The following RAB40B variants were observed in gnomAD, a reference collection of about 807,000 sequenced individuals.
The protein encoded by RAB40B is RAB40B, member RAS oncogene family.
In RAB40B, 21 loss-of-function variants were observed where a neutral mutation model predicts 24.0. That is an observed-to-expected ratio of 0.88 (90% CI 0.62 to 1.26). The LOEUF (loss-of-function observed/expected upper bound fraction) is 1.26, where lower values mean the gene tolerates loss of function less well. RAB40B is among the 50% of genes most tolerant of loss of function. The pLI, the probability that RAB40B is intolerant of heterozygous loss-of-function variation, is 0.00. For missense variants in RAB40B, 348 were observed against 390.5 expected (o/e 0.89, Z 0.92); for synonymous variants, 167 against 169.8 (o/e 0.98, Z 0.13).
intron 1 of RAB40B, among the ~76,000 whole-genome samples, chr17:82,678,879 GTTTTTTTTTT>G (rs35848277): frequency 1.0e-5 from 1 of 99,164 alleles, no homozygotes; most frequent in Non-Finnish European, 1.9e-5. Flanking sequence ...CCCTTTCTGC[GTTTTTTTTTT>G]TTTTTTTTTT....
intron 1 of RAB40B, among the ~76,000 whole-genome samples, chr17:82,672,378 A>T (rs1377866340): frequency 6.6e-6 from 1 of 150,602 alleles, no homozygotes; most frequent in South Asian, 2.1e-4. Context: ...GACACACCTC[A>T]CCCCTGTAAC....
intron 1 of RAB40B, among the ~76,000 whole-genome samples, chr17:82,684,116 G>T (rs1328453895): frequency 6.6e-6 from 1 of 151,728 alleles, no homozygotes; most frequent in African/African-American, 2.4e-5. Context: ...AGCTACTCGG[G>T]AGGCTGAGGC....
At chr17:82,664,350 T>G in intron 2 of RAB40B, 146 bp downstream of exon 2, 2 of 620,804 alleles carry the variant, frequency 3.2e-6, no homozygotes, top group South Asian at 1.9e-5. Context: ...CCGACGGTGG[T>G]GGTGGGAGGG....
At position 82,657,666 on chromosome 17, in the gene RAB40B, CAA is replaced by C. The variant is rs564658135; in HGVS notation, c.*195_*196del. 2.9e-3 allele frequency: 2,081 copies of C among 730,078 alleles called. 6 individuals are homozygous for C. Among genetic ancestry groups the C allele is most frequent in the Non-Finnish European group, 4.3e-3 (1,741 of 404,280 alleles). The allele number at this position is 730,078 out of a possible 1,614,324, so 45.2% of individuals were successfully genotyped here. ...TCCCTTTACAAACACACATCGAAAACAAGAGCTTCATGCACATCCACGTAGAA... is the reference window on the plus strand; with the variant it reads ...TCCCTTTACAAACACACATCGAAAACGAGCTTCATGCACATCCACGTAGAA... On this transcript the variant is annotated 3_prime_UTR_variant, in exon 6 of 6. Transcript: ENST00000571995.
In RAB40B at chr17:82,660,175, CAT is replaced by C. The variant is rs767269113; in HGVS notation, c.265-520_265-519del. On this transcript the variant is annotated intron_variant, in intron 3 of 5. Coordinates refer to ENST00000571995, the MANE Select transcript of RAB40B (RefSeq NM_006822.3). ...GACGCACACAGTGCATACCTGCACA[CAT>C]GTTGCATACACATACACATAGGCAC... Among the ~76,000 whole-genome samples the C allele has an allele frequency of 1.3e-3, 195 of 152,076 alleles. 8 individuals are homozygous for C. Among genetic ancestry groups the C allele is most frequent in the South Asian group, 2.9e-3 (14 of 4,818 alleles).
chr17:82,658,563 C>A lies in RAB40B; in HGVS notation c.493G>T (p.Glu165Ter), dbSNP rs1484346984. The A allele has an allele frequency of 6.2e-7, 1 of 1,613,762 alleles. No homozygotes were observed. Among genetic ancestry groups the A allele is most frequent in the Admixed American group, 1.7e-5 (1 of 60,030 alleles). ...ATCCTGGCCAGCTCCGTGAACGACT[C>A]TGTGATGTTGAAATTGCACAGAGGG... ...VSPLCNFNIT[E>*]SFTELARIVL... Residue 165 changes from glutamate (E) to a stop codon, truncating the protein, a stop_gained, in exon 5 of 6, where the codon GAG (glutamate) becomes TAG (stop). Coordinates refer to ENST00000571995, the MANE Select transcript of RAB40B (RefSeq NM_006822.3). LOFTEE classifies it high-confidence loss of function.
intron 3 of RAB40B, among the ~76,000 whole-genome samples, chr17:82,660,321 CAT>C (rs1235119582): frequency 1.3e-5 from 2 of 151,838 alleles, no homozygotes; most frequent in African/African-American, 2.4e-5. Flanking sequence ...TGCACAGACT[CAT>C]ACACAGGGCA....
At chr17:82,689,093 A>G (rs2046530409) in intron 1 of RAB40B, among the ~76,000 whole-genome samples, 1 of 152,266 alleles carries the variant, frequency 6.6e-6, no homozygotes, top group Admixed American at 6.5e-5. Context: ...GGTTAAAAAC[A>G]TCTCTGAATG....
chr17:82,659,835 C>T (rs533560968), intron 3 of RAB40B, 178 bp from the exon 4 acceptor site: 22 of 603,688 alleles, frequency 3.6e-5, no homozygotes, highest in African/African-American at 3.1e-4. Context: ...ATTTCATAAG[C>T]TCAGTGATAA....
At position 82,662,101 on chromosome 17, in the gene RAB40B, C is replaced by T. The variant is rs1234509093; in HGVS notation, c.204-1054G>A. 1.1e-5 allele frequency: 11 copies of T among 985,368 alleles called. No individual in the cohort carries two copies. The South Asian group carries it at 2.3e-4, about 21-fold the overall frequency. 61.0% of individuals were successfully genotyped at this position (985,368 alleles called of 1,614,324 possible). Reference sequence around the variant, plus strand: ...ACAACCTCACGGATGAGCGGTGGGACGCGGCATGGTTTTGCTGTTTGTGTC... The same window carrying T: ...ACAACCTCACGGATGAGCGGTGGGATGCGGCATGGTTTTGCTGTTTGTGTC... On this transcript the variant is annotated intron_variant, in intron 2 of 5. Coordinates refer to ENST00000571995, the MANE Select transcript of RAB40B (RefSeq NM_006822.3).
chr17:82,666,264 G>A (rs1210094), intron 1 of RAB40B, among the ~76,000 whole-genome samples: 1 of 149,254 alleles, frequency 6.7e-6, no homozygotes, highest in Non-Finnish European at 1.5e-5. Context: ...TTTTTTTTGA[G>A]ATGGAATTTC....
chr17:82,664,428 G>A (rs2046227964), intron 2 of RAB40B, 68 bp downstream of exon 2: 3 of 1,512,230 alleles, frequency 2.0e-6, no homozygotes, highest in Admixed American at 3.5e-5. Context: ...TGCTGACAGG[G>A]GGTGCTATGC....
Position 82,658,130 on chromosome 17 carries a change from C to G in RAB40B, c.570G>C (p.Leu190=). Residue 190 remains leucine (L), a synonymous_variant, in exon 6 of 6, where the codon CTG becomes CTC. Transcript: ENST00000571995. The stretch of plus-strand genomic sequence containing the variant: ...CCCGGCAGCAGAGGTCTTGCAAGCT[C>G]AGCACTTGGGAGAGAAAAGATAAAC... ...MDRLWRPSKV[L]SLQDLCCRAV... The G allele has an allele frequency of 6.2e-7, 1 of 1,613,682 alleles. No homozygotes were observed. The highest frequency in any genetic ancestry group is 8.5e-7 in the Non-Finnish European group (1 of 1,179,798).
intron 3 of RAB40B, among the ~76,000 whole-genome samples, chr17:82,659,915 C>T (rs1481220500): frequency 5.9e-5 from 9 of 152,256 alleles, no homozygotes; most frequent in Non-Finnish European, 1.0e-4. Context: ...ACACAGGATG[C>T]AGGGGCACCG....
At chr17:82,691,412 G>A (rs1003665835) in intron 1 of RAB40B, among the ~76,000 whole-genome samples, 3 of 152,100 alleles carry the variant, frequency 2.0e-5, no homozygotes, top group Admixed American at 6.6e-5. Flanking sequence ...AAGGCCGGGC[G>A]CGGTGGCTCA....
intron 1 of RAB40B, among the ~76,000 whole-genome samples, chr17:82,669,758 T>C (rs1477635002): frequency 3.3e-5 from 5 of 152,228 alleles, no homozygotes; most frequent in Non-Finnish European, 5.9e-5. Context: ...AATTACGCTT[T>C]GAGCGACGAC....
chr17:82,690,503 A>T (rs1450153967), intron 1 of RAB40B, among the ~76,000 whole-genome samples: 2 of 138,294 alleles, frequency 1.4e-5, no homozygotes, highest in South Asian at 2.4e-4. Context: ...GGGAGCAGAG[A>T]GTGTGCACGT....
chr17:82,698,335 C>A, intron 1 of RAB40B, 120 bp downstream of exon 1: 9 of 916,916 alleles, frequency 9.8e-6, no homozygotes, highest in Non-Finnish European at 1.1e-5. Context: ...CCGGCCTCTT[C>A]CCGACCCCTG....
Position 82,663,868 on chromosome 17 carries a change from G to A in RAB40B, c.203+628C>T, listed in dbSNP as rs926941656. On this transcript the variant is annotated intron_variant, in intron 2 of 5. Coordinates refer to ENST00000571995, the MANE Select transcript of RAB40B (RefSeq NM_006822.3). This position sits in a 1 kb window ranked among gnomAD's most constrained non-coding sequence, Gnocchi z 6.2. ...GATTCCCAGCCACAGCGCTATGTCCGTTCTGGGGTCCCCTACTCTGGATGA... is the reference window on the plus strand; with the variant it reads ...GATTCCCAGCCACAGCGCTATGTCCATTCTGGGGTCCCCTACTCTGGATGA... 7.9e-5 allele frequency among the ~76,000 whole-genome samples: 12 copies of A among 152,302 alleles called. No homozygotes were observed. Among genetic ancestry groups the A allele is most frequent in the African/African-American group, 2.9e-4 (12 of 41,570 alleles).
Sources: allele counts gnomAD v4.1 joint callset (sites outside exome capture counted in the v4.1 genomes callset), GRCh38; gene constraint gnomAD v4.1.1; non-coding constraint Gnocchi (gnomAD v3.1); transcripts MANE v1.5; gene names NCBI Gene and HGNC (gene_info 2026-07-23, HGNC 2026-07-21).